The following ADAM12 variants were observed in gnomAD, a reference collection of about 807,000 sequenced individuals.
ADAM12 encodes the protein disintegrin and metalloproteinase domain-containing protein 12.
A neutral mutation model predicts 106.4 loss-of-function variants in ADAM12; 70 were observed. That is an observed-to-expected ratio of 0.66 (90% CI 0.54 to 0.80). ADAM12 has a LOEUF of 0.80. ADAM12 is among the 30% of genes least tolerant of loss of function. The pLI is 0.00. For synonymous variants in ADAM12, 420 were observed against 433.5 expected, an observed-to-expected ratio of 0.97 and a Z score of 0.39; for missense variants, 1,010 against 1,171.9, an observed-to-expected ratio of 0.86 and a Z score of 2.02.
intron 3 of ADAM12, among the ~76,000 whole-genome samples, chr10:126,184,002 A>G (rs2133789351): frequency 6.6e-6 from 1 of 152,336 alleles, no homozygotes; most frequent in South Asian, 2.1e-4. Flanking sequence ...CTTATATTTT[A>G]CTTGATTTTC....
chr10:126,125,582 T>G (rs1300408450), intron 5 of ADAM12, among the ~76,000 whole-genome samples: 1 of 151,978 alleles, frequency 6.6e-6, no homozygotes, highest in Non-Finnish European at 1.5e-5. Context: ...AGCAATCCTG[T>G]AAAGCAGATA....
intron 5 of ADAM12, among the ~76,000 whole-genome samples, chr10:126,120,964 A>ATATATTACATATGTAATATAATATATAT (rs1956077454): frequency 3.8e-5 from 5 of 132,312 alleles, no homozygotes; most frequent in East Asian, 2.1e-4. Flanking sequence ...AATATATATT[A>ATATATTACATATGTAATATAATATATAT]TATATTACAT....
rs182417114 is a variant in ADAM12, at chr10:126,246,544, G to A, written c.260+32371C>T. The stretch of plus-strand genomic sequence containing the variant: ...TGAAAAGCTTATCCACCACAATCAA[G>A]TAGGCTTCATCCCTGGGATGCAAAG... On this transcript the variant is annotated intron_variant, in intron 3 of 22. Transcript: ENST00000448723. 1.4e-3 allele frequency among the ~76,000 whole-genome samples: 216 copies of A among 152,290 alleles called. 2 individuals carry two copies. The highest frequency in any genetic ancestry group is 0.012 in the Admixed American group (189 of 15,296).
intron 5 of ADAM12, 107 bp from the exon 6 acceptor site, chr10:126,118,331 T>TA: frequency 1.3e-6 from 1 of 755,352 alleles, no homozygotes; most frequent in South Asian, 2.2e-5. Context: ...GAAACACCAA[T>TA]TTACTTATAT....
chr10:126,191,824 G>C (rs1430006308), intron 3 of ADAM12, among the ~76,000 whole-genome samples: 1 of 152,122 alleles, frequency 6.6e-6, no homozygotes, highest in East Asian at 1.9e-4. Context: ...GCCTGAGACT[G>C]GATAATTTAT....
chr10:126,375,314 A>G (rs1856249125), intron 1 of ADAM12, among the ~76,000 whole-genome samples: 1 of 152,096 alleles, frequency 6.6e-6, no homozygotes, highest in Admixed American at 6.5e-5. Flanking sequence ...GTTGCATTGG[A>G]TAAATCAGCA....
intron 5 of ADAM12, among the ~76,000 whole-genome samples, chr10:126,118,830 T>A (rs1204380177): frequency 6.6e-6 from 1 of 152,208 alleles, no homozygotes; most frequent in Non-Finnish European, 1.5e-5. Context: ...TACCCATAGC[T>A]TACTTCCCAC....
chr10:126,156,186 G>T, intron 3 of ADAM12, among the ~76,000 whole-genome samples: 1 of 152,122 alleles, frequency 6.6e-6, no homozygotes, highest in East Asian at 1.9e-4. Flanking sequence ...AGCTGGTAGG[G>T]TGATGGTTGA....
chr10:126,154,928 G>T (rs1956785748), intron 4 of ADAM12, among the ~76,000 whole-genome samples: 1 of 152,152 alleles, frequency 6.6e-6, no homozygotes, highest in Admixed American at 6.5e-5. Flanking sequence ...TCTCTAACTG[G>T]CTAGGTTTTC....
At chr10:126,325,127 A>G (rs765533553) in intron 2 of ADAM12, among the ~76,000 whole-genome samples, 3 of 152,192 alleles carry the variant, frequency 2.0e-5, no homozygotes, top group African/African-American at 7.2e-5. Context: ...TGAAAAGCAA[A>G]AACAAAAACA....
chr10:126,114,661 G>A (rs958654380), intron 6 of ADAM12, among the ~76,000 whole-genome samples: 3 of 152,208 alleles, frequency 2.0e-5, no homozygotes, highest in African/African-American at 7.2e-5. Flanking sequence ...TGTATTTTTC[G>A]TAGAGATGGG....
chr10:126,211,601 C>G (rs547289194), intron 3 of ADAM12, among the ~76,000 whole-genome samples: 23 of 151,950 alleles, frequency 1.5e-4, no homozygotes, highest in Admixed American at 3.9e-4. Context: ...ATCCTGGACC[C>G]TCCAGTAGTC....
At chr10:126,078,121 A>G (rs906614795) in intron 11 of ADAM12, among the ~76,000 whole-genome samples, 3 of 152,204 alleles carry the variant, frequency 2.0e-5, no homozygotes, top group Admixed American at 1.3e-4. Flanking sequence ...CCTAGAGCAA[A>G]GCAGGTGCCA....
At chr10:126,237,702 T>C (rs1245750258) in intron 3 of ADAM12, among the ~76,000 whole-genome samples, 1 of 152,226 alleles carries the variant, frequency 6.6e-6, no homozygotes, top group Non-Finnish European at 1.5e-5. Context: ...ATCATACGTT[T>C]GTAGCAAAAC....
At chr10:126,058,751 T>G (rs1016782974) in intron 14 of ADAM12, among the ~76,000 whole-genome samples, 4 of 152,170 alleles carry the variant, frequency 2.6e-5, no homozygotes, top group Admixed American at 2.6e-4. Flanking sequence ...GTGGCTTTTG[T>G]GCGTTAGCTG....
chr10:126,125,478 C>G (rs780684014), intron 5 of ADAM12, among the ~76,000 whole-genome samples: 4 of 152,034 alleles, frequency 2.6e-5, no homozygotes, highest in Admixed American at 2.0e-4. Context: ...TTCCTGACCC[C>G]GTGATCCGCC....
chr10:126,237,359 C>T (rs932755470), intron 3 of ADAM12, among the ~76,000 whole-genome samples: 10 of 151,724 alleles, frequency 6.6e-5, no homozygotes, highest in African/African-American at 2.4e-4. Context: ...TTCTATTATT[C>T]TCAGAAAAAT....
intron 5 of ADAM12, among the ~76,000 whole-genome samples, chr10:126,134,653 A>G (rs1956371507): frequency 6.6e-6 from 1 of 152,262 alleles, no homozygotes; most frequent in Admixed American, 6.5e-5. Context: ...TGAGGGCAGC[A>G]AAGAATAAAC....
chr10:126,056,081 C>T (rs1490746640), intron 14 of ADAM12, among the ~76,000 whole-genome samples: 1 of 152,234 alleles, frequency 6.6e-6, no homozygotes, highest in African/African-American at 2.4e-5. Flanking sequence ...TGACTCCACT[C>T]TGCCATTAAT....
Sources: allele counts gnomAD v4.1 joint callset (sites outside exome capture counted in the v4.1 genomes callset), GRCh38; gene constraint gnomAD v4.1.1; transcripts MANE v1.5; gene names NCBI Gene and HGNC (gene_info 2026-07-23, HGNC 2026-07-21).